CNIH3: variants seen among roughly 807,000 people sequenced by gnomAD.
CNIH3 encodes the protein cornichon family AMPA receptor auxiliary protein 3, also known as protein cornichon homolog 3.
CNIH3 carries 14 observed loss-of-function variants against 24.1 expected under a neutral mutation model. That is an observed-to-expected ratio of 0.58 (90% CI 0.38 to 0.91). CNIH3 has a LOEUF of 0.91. CNIH3 is among the 40% of genes least tolerant of loss of function. CNIH3 has a pLI of 0.00. For synonymous variants in CNIH3, 68 were observed against 73.8 expected (o/e 0.92, Z 0.40); for missense variants, 178 against 196.8 (o/e 0.90, Z 0.57).
Position 224,654,202 on chromosome 1 carries a change from C to T in CNIH3, c.82-26756C>T, listed in dbSNP as rs555720254. ...TTCGAGACCAGCCTGCCCAACATGGCGAAACCCCTGTCTCTACTAAAAATA... is the reference window on the plus strand; with the variant it reads ...TTCGAGACCAGCCTGCCCAACATGGTGAAACCCCTGTCTCTACTAAAAATA... On this transcript the variant is annotated intron_variant, in intron 1 of 5. Transcript: ENST00000272133. Among the ~76,000 whole-genome samples, 11 of 151,964 alleles carry T rather than the reference C, an allele frequency of 7.2e-5. No homozygotes were observed. In the East Asian group the frequency reaches 7.8e-4, roughly 11 times the overall value.
rs771900348 is a variant in CNIH3, at chr1:224,730,583, G to A, written c.311+9G>A. ...TTCTATCACTTCTGGAGGTAAGTCA[G>A]ACTGGGACTGGTATATCCTTCGTCT... On this transcript the variant is annotated intron_variant, in intron 4 of 5. Coordinates refer to ENST00000272133, the MANE Select transcript of CNIH3 (RefSeq NM_152495.2). 6.7e-7 allele frequency: 1 copy of A among 1,493,016 alleles called. No individual in the cohort carries two copies. Among genetic ancestry groups the A allele is most frequent in the South Asian group, 1.2e-5 (1 of 82,958 alleles). The allele number at this position is 1,493,016 out of a possible 1,614,324, so 92.5% of individuals were successfully genotyped here.
chr1:224,570,181 C>T (rs892471580), intron 4 of CNIH3, among the ~76,000 whole-genome samples: 39 of 152,144 alleles, frequency 2.6e-4, no homozygotes, highest in Non-Finnish European at 5.1e-4. Flanking sequence ...ATTTCAATTT[C>T]TATTTTAGAT....
chr1:224,730,717 C>T (rs1387693680), intron 4 of CNIH3, 143 bp downstream of exon 4: 2 of 589,302 alleles, frequency 3.4e-6, no homozygotes, highest in Non-Finnish European at 6.1e-6. Context: ...AAAGCCTGTT[C>T]CCAAACTGCT....
intron 2 of CNIH3, among the ~76,000 whole-genome samples, chr1:224,527,204 A>C (rs1678882815): frequency 1.3e-5 from 2 of 152,224 alleles, no homozygotes; most frequent in African/African-American, 4.8e-5. Flanking sequence ...AACCCTGCAC[A>C]GATCTTGCAT....
At chr1:224,473,814 G>A (rs1676462717) in intron 1 of CNIH3, among the ~76,000 whole-genome samples, 1 of 152,122 alleles carries the variant, frequency 6.6e-6, no homozygotes, top group African/African-American at 2.4e-5. Flanking sequence ...GATATTTACA[G>A]AACGTTTCAT....
intron 3 of CNIH3, among the ~76,000 whole-genome samples, chr1:224,722,395 A>G (rs1294924306): frequency 6.6e-6 from 1 of 152,212 alleles, no homozygotes; most frequent in Non-Finnish European, 1.5e-5. Flanking sequence ...GGCAATTTGG[A>G]TGCAGGTGGC....
chr1:224,503,803 A>G (rs947389689), intron 1 of CNIH3, among the ~76,000 whole-genome samples: 3 of 152,200 alleles, frequency 2.0e-5, no homozygotes, highest in African/African-American at 7.2e-5. Flanking sequence ...TGGGAGTGCC[A>G]ACTACTGTGG....
At chr1:224,563,057 G>A (rs534145751) in intron 3 of CNIH3, among the ~76,000 whole-genome samples, 103 of 152,288 alleles carry the variant, frequency 6.8e-4, no homozygotes, top group African/African-American at 2.5e-3. Context: ...AGGTATGGAA[G>A]TGCCTAGAAG....
rs550719503 is a variant in CNIH3, at chr1:224,661,203, A to G, written c.82-19755A>G. 175 of 271,260 alleles carry G rather than the reference A, an allele frequency of 6.5e-4. 1 individual carries two copies. The highest frequency in any genetic ancestry group is 3.9e-3 in the African/African-American group (172 of 43,880). 16.8% of individuals were successfully genotyped at this position (271,260 alleles called of 1,614,324 possible). A position where few individuals can be genotyped will look rare whatever the true frequency, so the allele number is the denominator to read the frequency against. Reference sequence around the variant, plus strand: ...TATCCAAGCACAGCTGCTGCTCCTCACCATGTATCGTTAAGGACTTTAACT... The same window carrying G: ...TATCCAAGCACAGCTGCTGCTCCTCGCCATGTATCGTTAAGGACTTTAACT... On this transcript the variant is annotated intron_variant, in intron 1 of 5. Coordinates refer to ENST00000272133, the MANE Select transcript of CNIH3 (RefSeq NM_152495.2).
intron 2 of CNIH3, among the ~76,000 whole-genome samples, chr1:224,681,612 C>T (rs1194675963): frequency 1.3e-5 from 2 of 152,208 alleles, no homozygotes; most frequent in Non-Finnish European, 2.9e-5. Context: ...TGCCTGGCAT[C>T]TTCCTGCTTG....
intron 4 of CNIH3, among the ~76,000 whole-genome samples, chr1:224,573,589 A>G (rs1680911710): frequency 6.6e-6 from 1 of 152,218 alleles, no homozygotes; most frequent in African/African-American, 2.4e-5. Flanking sequence ...ATTAAGTGGA[A>G]CTAGGTAATA....
downstream of CNIH3, among the ~76,000 whole-genome samples, chr1:224,592,193 C>T (rs1331299238): frequency 1.3e-5 from 2 of 151,668 alleles, no homozygotes; most frequent in Non-Finnish European, 2.9e-5. Flanking sequence ...CATATATGTG[C>T]ACAGACAGAT....
intron 5 of CNIH3, chr1:224,587,471 G>A (rs1187015590): frequency 2.0e-5 from 3 of 152,262 alleles, no homozygotes; most frequent in Non-Finnish European, 4.4e-5. Context: ...GGAAGCGGGT[G>A]TCTGGCCAGA....
intron 3 of CNIH3, 140 bp from the exon 4 acceptor site, chr1:224,730,322 G>C: frequency 1.6e-6 from 1 of 616,462 alleles, no homozygotes. Context: ...TGTTGGGGCA[G>C]TGGCTCTACG....
intron 1 of CNIH3, among the ~76,000 whole-genome samples, chr1:224,653,377 G>A (rs1169397183): frequency 1.3e-5 from 2 of 150,090 alleles, no homozygotes; most frequent in Non-Finnish European, 2.9e-5. Context: ...AGCCAAGATC[G>A]TGCCATTGCA....
chr1:224,577,284 G>A (rs1191348566), intron 4 of CNIH3, among the ~76,000 whole-genome samples: 1 of 152,094 alleles, frequency 6.6e-6, no homozygotes, highest in Non-Finnish European at 1.5e-5. Context: ...CAGAGAATGG[G>A]AGAAAATATT....
chr1:224,525,372 T>C (rs559173213), intron 2 of CNIH3, among the ~76,000 whole-genome samples: 2 of 152,346 alleles, frequency 1.3e-5, no homozygotes, highest in East Asian at 3.9e-4. Context: ...ATTCTTTCAT[T>C]TCCTTGCTTT....
At position 224,561,459 on chromosome 1, in the gene CNIH3, C is replaced by A. The variant is rs566731521; in HGVS notation, n.451-4740C>A. Among the ~76,000 whole-genome samples, 11 of 152,294 alleles carry A rather than the reference C, an allele frequency of 7.2e-5. No homozygotes were observed. The South Asian group carries it at 2.3e-3, about 32-fold the overall frequency. ...TTTCACTTAGTACTTGAGAAGCTAT[C>A]TTTTCCTCATTACTCTGATCTTTAT... On this transcript the variant is annotated intron_variant and non_coding_transcript_variant, in intron 3 of 5. Transcript: ENST00000471578.
intron 1 of CNIH3, among the ~76,000 whole-genome samples, chr1:224,662,699 A>G (rs904091535): frequency 6.6e-6 from 1 of 152,202 alleles, no homozygotes; most frequent in Non-Finnish European, 1.5e-5. Flanking sequence ...TTTATTTATA[A>G]GCCAATTTGG....
Sources: allele counts gnomAD v4.1 joint callset (sites outside exome capture counted in the v4.1 genomes callset), GRCh38; gene constraint gnomAD v4.1.1; transcripts MANE v1.5; gene names NCBI Gene and HGNC (gene_info 2026-07-23, HGNC 2026-07-21).